The following PRKD1 variants were observed in gnomAD, a reference collection of about 807,000 sequenced individuals.
The protein encoded by PRKD1 is protein kinase D1, also known as serine/threonine-protein kinase D1.
In PRKD1, 63 loss-of-function variants were observed where a neutral mutation model predicts 95.9. That is an observed-to-expected ratio of 0.66 (90% CI 0.54 to 0.81). The LOEUF is 0.81. Ranked by LOEUF, PRKD1 falls within the 30% of genes least tolerant of loss-of-function variation. The pLI, the probability that PRKD1 is intolerant of heterozygous loss-of-function variation, is 0.00. For missense variants in PRKD1, 1,048 were observed against 1,165.3 expected (o/e 0.90, Z 1.47); for synonymous variants, 425 against 423.1 (o/e 1.00, Z -0.05).
chr14:29,681,693 T>C (rs1043769726), intron 2 of PRKD1, among the ~76,000 whole-genome samples: 1 of 152,188 alleles, frequency 6.6e-6, no homozygotes, highest in Non-Finnish European at 1.5e-5. Context: ...GAAGGGCACT[T>C]AGATATGTTA....
At chr14:29,659,969 T>C (rs115850900) in intron 4 of PRKD1, among the ~76,000 whole-genome samples, 2,232 of 152,302 alleles carry the variant, frequency 0.015, 52 homozygotes, top group African/African-American at 0.051. Flanking sequence ...TCAATCTTTT[T>C]CCTTTGTCAT....
intron 1 of PRKD1, among the ~76,000 whole-genome samples, chr14:29,755,511 G>GA (rs889044175): frequency 2.0e-5 from 3 of 151,496 alleles, no homozygotes; most frequent in Middle Eastern, 3.4e-3. Context: ...CAGAGTGCCG[G>GA]AAAAAAAACA....
At chr14:29,728,817 T>C (rs147336619) in intron 1 of PRKD1, among the ~76,000 whole-genome samples, 89 of 152,284 alleles carry the variant, frequency 5.8e-4, no homozygotes, top group African/African-American at 1.9e-3. Context: ...TTGGGTCATA[T>C]GATAAATTCA....
At chr14:29,612,456 G>C (rs1878534640) in intron 13 of PRKD1, among the ~76,000 whole-genome samples, 1 of 152,042 alleles carries the variant, frequency 6.6e-6, no homozygotes, top group Admixed American at 6.5e-5. Flanking sequence ...GCTTTATATA[G>C]GAGTTAATTT....
Position 29,599,770 on chromosome 14 carries a change from C to A in PRKD1, c.1953G>T (p.Thr651=), listed in dbSNP as rs55996071. The change falls in exon 14 of 18, where the codon ACG becomes ACT. Residue 651 remains threonine, a synonymous_variant. Transcript: ENST00000331968. ...GVVNLECMFE[T]PERVFVVMEK... ...CCATAACAACAAACACTCTTTCAGG[C>A]GTCTCAAACATACACTCCAAATTTA... is the stretch of plus-strand genomic sequence containing the variant. 6.2e-7 allele frequency: 1 copy of A among 1,612,978 alleles called. No individual in the cohort carries two copies. Among genetic ancestry groups the A allele is most frequent in the Admixed American group, 1.7e-5 (1 of 59,968 alleles).
intron 1 of PRKD1, among the ~76,000 whole-genome samples, chr14:29,892,438 CAAAA>C (rs201359274): frequency 1.5e-5 from 2 of 131,694 alleles, no homozygotes; most frequent in East Asian, 4.7e-4. Flanking sequence ...GCCACCCATA[CAAAA>C]AAAAAAAAAA....
intron 13 of PRKD1, among the ~76,000 whole-genome samples, chr14:29,608,416 A>G (rs911227305): frequency 2.0e-5 from 3 of 152,166 alleles, no homozygotes; most frequent in Non-Finnish European, 4.4e-5. Flanking sequence ...TATTAACATA[A>G]AAGTCTTTTA....
At chr14:29,866,163 G>A (rs781596490) in intron 1 of PRKD1, among the ~76,000 whole-genome samples, 27 of 151,356 alleles carry the variant, frequency 1.8e-4, no homozygotes, top group Non-Finnish European at 4.0e-4. Context: ...AAATTTAGAA[G>A]CTATATTGCT....
intron 1 of PRKD1, among the ~76,000 whole-genome samples, chr14:29,871,857 A>T (rs1395951599): frequency 1.3e-5 from 2 of 152,162 alleles, no homozygotes; most frequent in Non-Finnish European, 2.9e-5. Context: ...TTTGGAAATC[A>T]AGTCAGCTCT....
intron 1 of PRKD1, among the ~76,000 whole-genome samples, chr14:29,815,816 A>G (rs1890663462): frequency 6.6e-6 from 1 of 152,320 alleles, no homozygotes; most frequent in South Asian, 2.1e-4. Flanking sequence ...ACCAGTTTAA[A>G]TGTGGTACCT....
chr14:29,922,799 T>C (rs866228147), intron 1 of PRKD1, among the ~76,000 whole-genome samples: 6 of 152,106 alleles, frequency 3.9e-5, no homozygotes, highest in Non-Finnish European at 8.8e-5. Context: ...GGCAGGAGGA[T>C]CACATTAGCC....
At chr14:29,697,133 G>A (rs1211594547) in intron 2 of PRKD1, among the ~76,000 whole-genome samples, 2 of 149,322 alleles carry the variant, frequency 1.3e-5, no homozygotes, top group African/African-American at 5.0e-5. Flanking sequence ...CCCATGCACC[G>A]ACAGTTTGTA....
In PRKD1 at chr14:29,771,946, C is replaced by T. The variant is rs531704612; in HGVS notation, c.265-46272G>A. ...TCCCTTTTGAAAGAGGAATATCTAC[C>T]CCGTGTCTGTTCCACCACTGTATTT... On this transcript the variant is annotated intron_variant, in intron 1 of 17. Transcript: ENST00000331968. Among the ~76,000 whole-genome samples the T allele has an allele frequency of 4.5e-4, 69 of 152,292 alleles. No homozygotes were observed. The East Asian group carries it at 7.3e-3, about 16-fold the overall frequency.
At chr14:29,850,710 G>A (rs1892275537) in intron 1 of PRKD1, among the ~76,000 whole-genome samples, 1 of 151,386 alleles carries the variant, frequency 6.6e-6, no homozygotes, top group Non-Finnish European at 1.5e-5. Context: ...CATTTTTCAT[G>A]AATTAAAAAA....
intron 1 of PRKD1, among the ~76,000 whole-genome samples, chr14:29,772,344 C>T (rs904620155): frequency 6.6e-6 from 1 of 152,110 alleles, no homozygotes; most frequent in Admixed American, 6.5e-5. Flanking sequence ...TCATCCCTCC[C>T]ACCAAGTGAG....
intron 1 of PRKD1, among the ~76,000 whole-genome samples, chr14:29,850,380 C>T (rs200347516): frequency 8.6e-6 from 1 of 116,698 alleles, no homozygotes; most frequent in Non-Finnish European, 1.8e-5. Flanking sequence ...AATCAATATA[C>T]AAAAATCAGT....
At chr14:29,592,966 T>C (rs17114988) in intron 16 of PRKD1, among the ~76,000 whole-genome samples, 1 of 152,162 alleles carries the variant, frequency 6.6e-6, no homozygotes, top group African/African-American at 2.4e-5. Context: ...CAAGAGGCTG[T>C]CAATATCCTG....
intron 13 of PRKD1, among the ~76,000 whole-genome samples, chr14:29,600,567 G>A (rs1468673186): frequency 3.3e-5 from 5 of 152,076 alleles, no homozygotes; most frequent in African/African-American, 1.2e-4. Flanking sequence ...CGTGTTCACC[G>A]GATCCAAAAA....
chr14:29,781,344 G>C (rs1041900214), intron 1 of PRKD1, among the ~76,000 whole-genome samples: 1 of 152,146 alleles, frequency 6.6e-6, no homozygotes, highest in African/African-American at 2.4e-5. Context: ...ATGTTCAACA[G>C]CTATAAACAA....
Sources: allele counts gnomAD v4.1 joint callset (sites outside exome capture counted in the v4.1 genomes callset), GRCh38; gene constraint gnomAD v4.1.1; transcripts MANE v1.5; gene names NCBI Gene and HGNC (gene_info 2026-07-23, HGNC 2026-07-21).